ATP8A1: variants seen among roughly 807,000 people sequenced by gnomAD.
ATP8A1 encodes the protein ATPase phospholipid transporting 8A1, also known as phospholipid-transporting ATPase IA.
ATP8A1 carries 90 observed loss-of-function variants against 177.7 expected under a neutral mutation model. The observed-to-expected ratio is 0.51, with a 90% CI of 0.43 to 0.60. The LOEUF (loss-of-function observed/expected upper bound fraction) is 0.60, where lower values mean the gene tolerates loss of function less well. ATP8A1 is among the 20% of genes least tolerant of loss of function. The probability of loss-of-function intolerance (pLI) is 0.00; values close to 1 mark genes in which losing one functional copy is unlikely to be tolerated. For missense variants in ATP8A1, 1,072 were observed against 1,392.8 expected, an observed-to-expected ratio of 0.77 and a Z score of 3.67; for synonymous variants, 493 against 485.9, an observed-to-expected ratio of 1.01 and a Z score of -0.19.
At chr4:42,420,864 A>G (rs180877803) in intron 35 of ATP8A1, among the ~76,000 whole-genome samples, 2 of 149,508 alleles carry the variant, frequency 1.3e-5, no homozygotes, top group African/African-American at 4.9e-5. Flanking sequence ...TGCCTCCAGG[A>G]TTCACGCCAT....
chr4:42,425,574 A>T (rs1309871704), intron 33 of ATP8A1, among the ~76,000 whole-genome samples: 1 of 152,146 alleles, frequency 6.6e-6, no homozygotes, highest in Non-Finnish European at 1.5e-5. Context: ...GGGGGGGAAA[A>T]ATAAAATCCC....
At chr4:42,446,943 T>C (rs1415752379) in intron 30 of ATP8A1, among the ~76,000 whole-genome samples, 22 of 151,814 alleles carry the variant, frequency 1.4e-4, no homozygotes, top group Admixed American at 1.4e-3. Flanking sequence ...GGAAAGGGCA[T>C]TCTGGATCGT....
chr4:42,456,798 A>T (rs1718537938), intron 27 of ATP8A1, among the ~76,000 whole-genome samples: 1 of 152,152 alleles, frequency 6.6e-6, no homozygotes, highest in Non-Finnish European at 1.5e-5. Context: ...GGCTCAACTG[A>T]ATTTTTGAAT....
At chr4:42,505,547 T>C (rs1181473659) in intron 23 of ATP8A1, among the ~76,000 whole-genome samples, 12 of 152,212 alleles carry the variant, frequency 7.9e-5, no homozygotes, top group Admixed American at 7.2e-4. Context: ...TTCTCTCTAA[T>C]AGCAGCGATA....
At chr4:42,488,975 G>T (rs560100295) in intron 24 of ATP8A1, among the ~76,000 whole-genome samples, 1 of 152,202 alleles carries the variant, frequency 6.6e-6, no homozygotes, top group African/African-American at 2.4e-5. Context: ...ATTTCATCCC[G>T]TTGGCAATGC....
At chr4:42,634,686 G>A (rs998883216) in intron 1 of ATP8A1, among the ~76,000 whole-genome samples, 1 of 152,048 alleles carries the variant, frequency 6.6e-6, no homozygotes, top group Admixed American at 6.6e-5. Flanking sequence ...GAGTTTGTGG[G>A]GATTACATGA....
intron 21 of ATP8A1, among the ~76,000 whole-genome samples, 179 bp from the exon 22 acceptor site, chr4:42,522,478 G>C (rs1389278597): frequency 4.6e-5 from 7 of 152,090 alleles, no homozygotes; most frequent in Non-Finnish European, 8.8e-5. Context: ...ATGTTCCCCT[G>C]GTCTTTAAAA....
At chr4:42,641,423 A>G (rs948991902) in intron 1 of ATP8A1, among the ~76,000 whole-genome samples, 6 of 152,102 alleles carry the variant, frequency 3.9e-5, no homozygotes, top group African/African-American at 1.4e-4. Context: ...TTCAAGCCAT[A>G]TCAGTTACTG....
chr4:42,602,660 T>C (rs756765785), intron 5 of ATP8A1, among the ~76,000 whole-genome samples: 8 of 151,972 alleles, frequency 5.3e-5, no homozygotes, highest in Non-Finnish European at 1.2e-4. Context: ...TCCCAGCTAC[T>C]TGGGAGGCTG....
chr4:42,638,479 A>C (rs1311194741), intron 1 of ATP8A1, among the ~76,000 whole-genome samples: 2 of 152,246 alleles, frequency 1.3e-5, no homozygotes, highest in Admixed American at 1.3e-4. Flanking sequence ...TAGTATGCCT[A>C]GAGTTGGGCG....
At chr4:42,593,237 A>G (rs369064764) in intron 6 of ATP8A1, among the ~76,000 whole-genome samples, 17 of 152,082 alleles carry the variant, frequency 1.1e-4, no homozygotes, top group African/African-American at 3.9e-4. Context: ...CCTCAAGCTA[A>G]TTCTGAAGAC....
At chr4:42,452,727 C>A (rs905159078) in intron 29 of ATP8A1, among the ~76,000 whole-genome samples, 1 of 152,190 alleles carries the variant, frequency 6.6e-6, no homozygotes, top group Non-Finnish European at 1.5e-5. Context: ...GCAAGCGTCA[C>A]TGGTACTTTC....
intron 1 of ATP8A1, among the ~76,000 whole-genome samples, chr4:42,649,187 T>G (rs1740842267): frequency 6.6e-6 from 1 of 152,142 alleles, no homozygotes; most frequent in African/African-American, 2.4e-5. Context: ...AACATAAAAA[T>G]GCTAAGCTGT....
At chr4:42,629,916 T>G (rs536983828) in intron 1 of ATP8A1, among the ~76,000 whole-genome samples, 1 of 152,230 alleles carries the variant, frequency 6.6e-6, no homozygotes, top group Non-Finnish European at 1.5e-5. Context: ...CCAGACTCTT[T>G]CCATGTAAAG....
At chr4:42,609,302 G>C (rs2109427682) in intron 5 of ATP8A1, among the ~76,000 whole-genome samples, 1 of 152,184 alleles carries the variant, frequency 6.6e-6, no homozygotes, top group East Asian at 1.9e-4. Context: ...AATGCTCCAG[G>C]GGATTCTGAT....
chr4:42,420,032 A>C (rs533124803), intron 35 of ATP8A1, among the ~76,000 whole-genome samples: 107 of 152,228 alleles, frequency 7.0e-4, no homozygotes, highest in African/African-American at 2.2e-3. Context: ...AAAAAAAAAA[A>C]CTGCTAACTT....
intron 5 of ATP8A1, 152 bp downstream of exon 5, chr4:42,615,881 C>T (rs1433617555): frequency 3.1e-6 from 2 of 647,486 alleles, no homozygotes; most frequent in Middle Eastern, 4.1e-4. Flanking sequence ...TAAGTGTCAT[C>T]CTAACAAATG....
chr4:42,550,853 A>G (rs1729435374), intron 18 of ATP8A1, among the ~76,000 whole-genome samples: 1 of 152,142 alleles, frequency 6.6e-6, no homozygotes, highest in Non-Finnish European at 1.5e-5. Context: ...CCCACTTTAA[A>G]ACTTGGGCCT....
At chr4:42,429,450 G>C (rs1327674550) in intron 33 of ATP8A1, among the ~76,000 whole-genome samples, 10 of 151,400 alleles carry the variant, frequency 6.6e-5, no homozygotes, top group Non-Finnish European at 1.5e-5. Flanking sequence ...AGAGAAGGAA[G>C]TACCAGCATT....
Sources: gnomAD v4.1 joint callset for allele counts (sites outside exome capture counted in the v4.1 genomes callset) on GRCh38, gnomAD v4.1.1 for gene constraint, MANE v1.5 for transcripts, NCBI Gene and HGNC (gene_info 2026-07-23, HGNC 2026-07-21) for gene names.